FER1L5: variants seen among roughly 807,000 people sequenced by gnomAD.
FER1L5 encodes fer-1 like family member 5.
A neutral mutation model predicts 279.9 loss-of-function variants in FER1L5; 187 were observed. The ratio of observed to expected loss-of-function variants is 0.67; its 90% CI spans 0.59 to 0.75. The LOEUF is 0.75. Among genes scored for constraint, FER1L5 ranks in the 30% least tolerant of loss-of-function variants. The probability of loss-of-function intolerance (pLI) is 0.00; values close to 1 mark genes in which losing one functional copy is unlikely to be tolerated. For missense variants in FER1L5, 2,091 were observed against 2,594.4 expected, an observed-to-expected ratio of 0.81 and a Z score of 4.21; for synonymous variants, 921 against 989.7, an observed-to-expected ratio of 0.93 and a Z score of 1.30.
At chr2:96,675,390 G>A (rs1278294234) in intron 19 of FER1L5, among the ~76,000 whole-genome samples, 1 of 152,076 alleles carries the variant, frequency 6.6e-6, no homozygotes, top group African/African-American at 2.4e-5. Flanking sequence ...CTTCTCACCA[G>A]TACTTGATAT....
Position 96,684,237 on chromosome 2 carries a change from T to C in FER1L5, c.1670-90T>C. Reference sequence around the variant, plus strand: ...GGTCACATCTTTGAGGGTGCAGTGGTCCAGAGAGGTCCTCGGAGGGAGCAC... The same window carrying C: ...GGTCACATCTTTGAGGGTGCAGTGGCCCAGAGAGGTCCTCGGAGGGAGCAC... On this transcript the variant is annotated intron_variant, in intron 19 of 52. Coordinates refer to ENST00000624922, the MANE Select transcript of FER1L5 (RefSeq NM_001293083.2). 2.0e-6 allele frequency: 3 copies of C among 1,483,380 alleles called. 1 individual carries two copies. The highest frequency in any genetic ancestry group is 2.7e-6 in the Non-Finnish European group (3 of 1,102,102). The allele number at this position is 1,483,380 out of a possible 1,614,324, so 91.9% of individuals were successfully genotyped here.
chr2:96,687,677 A>G, intron 23 of FER1L5, 139 bp from the exon 24 acceptor site: 2 of 1,319,476 alleles, frequency 1.5e-6, no homozygotes, highest in Non-Finnish European at 2.1e-6. Flanking sequence ...ATTCACTTAC[A>G]GCTCCAGCAC....
chr2:96,689,609 G>C lies in FER1L5; in HGVS notation c.2526-35G>C, dbSNP rs1378354235. On this transcript the variant is annotated intron_variant, in intron 25 of 52. Transcript: ENST00000624922. The surrounding 1 kb of genome is among the most constrained non-coding windows in gnomAD (Gnocchi z 4.6). ...GACGGCCCTAGGGGCTGCTTGGGGAGTTGTGCTGGGAACTTGGGGTCTCAT... is the reference window on the plus strand; with the variant it reads ...GACGGCCCTAGGGGCTGCTTGGGGACTTGTGCTGGGAACTTGGGGTCTCAT... 3.3e-6 allele frequency: 5 copies of C among 1,536,342 alleles called. No homozygotes were observed. The South Asian group carries it at 6.0e-5, about 18-fold the overall frequency.
At position 96,668,937 on chromosome 2, in the gene FER1L5, C is replaced by T. The variant is rs530480495; in HGVS notation, c.1236C>T (p.Asn412=). 25 of 1,551,642 alleles carry T rather than the reference C, an allele frequency of 1.6e-5. No individual in the cohort carries two copies. The South Asian group carries it at 2.7e-4, about 17-fold the overall frequency. The change falls in exon 16 of 53, where the codon AAC becomes AAT. Residue 412 remains asparagine, a synonymous_variant. Coordinates refer to ENST00000624922, the MANE Select transcript of FER1L5 (RefSeq NM_001293083.2). The part of the protein sequence containing the change: ...DEIGTASLSL[N]QISSTGEEIE... ...TTGGGACTGCCAGCCTGTCCCTCAA[C>T]CAGATCTCGTCCACCGGAGAAGAGA... is the stretch of plus-strand genomic sequence containing the variant.
chr2:96,688,968 T>C, intron 24 of FER1L5: 1 of 470,116 alleles, frequency 2.1e-6, no homozygotes, highest in African/African-American at 2.0e-5. Context: ...TACATAGATG[T>C]CTTATGATAT....
Position 96,691,460 on chromosome 2 carries a change from G to A in FER1L5, c.2923G>A (p.Glu975Lys), listed in dbSNP as rs757700576. 28 of 1,543,400 alleles carry A rather than the reference G, an allele frequency of 1.8e-5. No individual in the cohort carries two copies. In the Middle Eastern group the frequency reaches 1.2e-3, roughly 65 times the overall value. ...CCCACCACAGGGCCTGGCCAAGGGC[G>A]AGGAGGAGGGCTGGGAGTATGACAC... ...SFLQLGLAKGEEEGWEYDTFG... is the reference protein window; with the variant it reads ...SFLQLGLAKGKEEGWEYDTFG... The change falls in exon 29 of 53, where the codon GAG (glutamate) becomes AAG (lysine). Residue 975 changes from glutamate to lysine, a missense_variant. Glu to Lys is a moderately conservative substitution (Grantham distance 56). Transcript: ENST00000624922. The surrounding 1 kb of genome is among the most constrained non-coding windows in gnomAD (Gnocchi z 6.0).
At chr2:96,679,192 TA>T (rs1199974276) in intron 19 of FER1L5, among the ~76,000 whole-genome samples, 8 of 151,584 alleles carry the variant, frequency 5.3e-5, no homozygotes, top group Admixed American at 5.3e-4. Context: ...AGAAATTTTT[TA>T]AAAAATTAGC....
rs1367546910 is a variant in FER1L5 at position 96,673,231 on chromosome 2, C to T, written c.1646C>T (p.Pro549Leu). Residue 549 changes from proline (P) to leucine (L), a missense_variant, in exon 19 of 53, where the codon CCG becomes CTG. Pro to Leu is a moderately conservative substitution (Grantham distance 98). Coordinates refer to ENST00000624922, the MANE Select transcript of FER1L5 (RefSeq NM_001293083.2). ...LNYKPLVSST[P>L]YSPVIYDGNI... ...TACAAGCCTCTAGTCTCAAGCACAC[C>T]GTACAGCCCAGTGATATATGATGGT... 22 of 1,551,362 alleles carry T rather than the reference C, an allele frequency of 1.4e-5. No homozygotes were observed. The highest frequency in any genetic ancestry group is 7.3e-5 in the East Asian group (3 of 40,918).
chr2:96,693,006 T>C (rs2077215758), intron 31 of FER1L5, among the ~76,000 whole-genome samples: 1 of 151,852 alleles, frequency 6.6e-6, no homozygotes, highest in Non-Finnish European at 1.5e-5. Context: ...TGAAACCCCG[T>C]CTCTACTAAA....
chr2:96,700,488 G>T lies in FER1L5; in HGVS notation c.5070+17G>T. The T allele has an allele frequency of 6.2e-7, 1 of 1,612,068 alleles. No individual in the cohort carries two copies. The highest frequency in any genetic ancestry group is 8.5e-7 in the Non-Finnish European group (1 of 1,179,872). Reference sequence around the variant, plus strand: ...ATCGACCAGGTATGAGACTGGAGGGGCCACTCCTGGCTCCTACAGGAGGAG... The same window carrying T: ...ATCGACCAGGTATGAGACTGGAGGGTCCACTCCTGGCTCCTACAGGAGGAG... On this transcript the variant is annotated intron_variant, in intron 45 of 52. Transcript: ENST00000624922.
At chr2:96,645,406 T>A (rs1391354521) in intron 1 of FER1L5, among the ~76,000 whole-genome samples, 1 of 152,132 alleles carries the variant, frequency 6.6e-6, no homozygotes, top group African/African-American at 2.4e-5. Context: ...GAACCAGACC[T>A]GGCAGTGGCA....
intron 1 of FER1L5, among the ~76,000 whole-genome samples, chr2:96,645,669 C>G (rs1166829751): frequency 6.6e-6 from 1 of 151,990 alleles, no homozygotes; most frequent in Non-Finnish European, 1.5e-5. Context: ...GTAGTCCAAG[C>G]TACGTGGGAG....
chr2:96,643,457 C>G (rs763547666), intron 1 of FER1L5, among the ~76,000 whole-genome samples: 2 of 152,046 alleles, frequency 1.3e-5, no homozygotes, highest in East Asian at 3.9e-4. Flanking sequence ...TCAAGCAATT[C>G]TCCTGCCTCA....
In FER1L5 at chr2:96,700,086, C is replaced by T. The variant is rs1224700736; in HGVS notation, c.4930+6C>T. The stretch of plus-strand genomic sequence containing the variant: ...GTTCAAGCTGCAAAGCTTTGGTGAG[C>T]AGCGCAGAACACTAGCAGAAAGCAC... On this transcript the variant is annotated splice_donor_region_variant and intron_variant, in intron 44 of 52. Transcript: ENST00000624922. 6.2e-7 allele frequency: 1 copy of T among 1,613,468 alleles called. No homozygotes were observed. The highest frequency in any genetic ancestry group is 1.3e-5 in the African/African-American group (1 of 74,904).
rs1180787267 is a variant in FER1L5, at chr2:96,663,447, A to G, written c.1080A>G (p.Thr360=). 1 of 1,551,514 alleles carries G rather than the reference A, an allele frequency of 6.4e-7. No individual in the cohort carries two copies. Among genetic ancestry groups the G allele is most frequent in the Non-Finnish European group, 8.7e-7 (1 of 1,146,948 alleles). ...GCTTTGGGACATTCCAGCTCAGGAC[A>G]CACATGCAGACCCAAACCGACAACC... ...EVELIGEKLR[T]HMQTQTDNPI... Residue 360 remains threonine, a synonymous_variant, in exon 14 of 53, where the codon ACA becomes ACG. Coordinates refer to ENST00000624922, the MANE Select transcript of FER1L5 (RefSeq NM_001293083.2).
In FER1L5 at chr2:96,698,133, A is replaced by G; in HGVS notation, c.4333A>G (p.Ser1445Gly). 1 of 1,572,608 alleles carries G rather than the reference A, an allele frequency of 6.4e-7. No individual in the cohort carries two copies. Residue 1445 changes from serine (S) to glycine (G), a missense_variant, in exon 40 of 53, where the codon AGC becomes GGC. Ser to Gly is a moderately conservative substitution (Grantham distance 56). Transcript: ENST00000624922. This position sits in a 1 kb window ranked among gnomAD's most constrained non-coding sequence, Gnocchi z 5.5. ...KLYQEQPKLDSPVVGEFKGLF... is the reference protein window; with the variant it reads ...KLYQEQPKLDGPVVGEFKGLF... ...CTACCAGGAGCAGCCCAAGTTGGAC[A>G]GCCCCGTGGTAGGGGAGTTCAAGGT...
chr2:96,664,132 AAGAAAAG>A (rs1178803390), intron 14 of FER1L5, among the ~76,000 whole-genome samples: 2 of 151,566 alleles, frequency 1.3e-5, no homozygotes, highest in African/African-American at 4.8e-5. Context: ...TAAAAGAAAA[AAGAAAAG>A]AGAGAGAGAG....
At chr2:96,646,790 C>A (rs2075150071) in intron 2 of FER1L5, among the ~76,000 whole-genome samples, 1 of 152,218 alleles carries the variant, frequency 6.6e-6, no homozygotes, top group African/African-American at 2.4e-5. Flanking sequence ...TCTGCCATCA[C>A]TCCATGCTGC....
chr2:96,687,736 G>A (rs1218263325), intron 23 of FER1L5, 80 bp from the exon 24 acceptor site: 6 of 1,529,508 alleles, frequency 3.9e-6, no homozygotes, highest in African/African-American at 2.7e-5. Context: ...GAAGGGGCAG[G>A]TACAGCCCAC....
Sources: allele counts gnomAD v4.1 joint callset (sites outside exome capture counted in the v4.1 genomes callset), GRCh38; gene constraint gnomAD v4.1.1; non-coding constraint Gnocchi (gnomAD v3.1); transcripts MANE v1.5; gene names NCBI Gene and HGNC (gene_info 2026-07-23, HGNC 2026-07-21).